HS3ST4: variants seen among roughly 807,000 people sequenced by gnomAD.
HS3ST4 encodes heparan sulfate-glucosamine 3-sulfotransferase 4.
Under a neutral mutation model 29.2 loss-of-function variants are expected in HS3ST4, and 17 were observed. The ratio of observed to expected loss-of-function variants is 0.58; its 90% CI spans 0.40 to 0.87. The LOEUF (loss-of-function observed/expected upper bound fraction) is 0.87. HS3ST4 is among the 40% of genes least tolerant of loss of function. HS3ST4 has a pLI of 0.00. For synonymous variants in HS3ST4, 314 were observed against 285.7 expected (o/e 1.10, Z -1.00); for missense variants, 627 against 634.5 (o/e 0.99, Z 0.13).
intron 1 of HS3ST4, among the ~76,000 whole-genome samples, chr16:25,857,169 A>G (rs1490321872): frequency 6.6e-6 from 1 of 152,130 alleles, no homozygotes; most frequent in Non-Finnish European, 1.5e-5. Context: ...CTTCTTTTAA[A>G]TGATAATTTG....
At chr16:25,846,110 C>T (rs1190648731) in intron 1 of HS3ST4, among the ~76,000 whole-genome samples, 2 of 152,180 alleles carry the variant, frequency 1.3e-5, no homozygotes, top group African/African-American at 2.4e-5. Context: ...GTCAGCAGTG[C>T]GGTCTCTTTC....
rs541508298 is a variant in HS3ST4, at chr16:25,867,561, TAAAC to T, written c.734+174412_734+174415del. Among the ~76,000 whole-genome samples the T allele has an allele frequency of 1.2e-4, 19 of 152,200 alleles. No individual in the cohort carries two copies. The East Asian group carries it at 3.3e-3, about 26-fold the overall frequency. On this transcript the variant is annotated intron_variant, in intron 1 of 1. Transcript: ENST00000331351. Reference sequence around the variant, plus strand: ...GTATATCCTTTATCTTAGCCTTCAATAAACAGTCACACACACGCACGCACACACA... The same window carrying T: ...GTATATCCTTTATCTTAGCCTTCAATAGTCACACACACGCACGCACACACA...
chr16:25,846,863 A>G (rs982946945), intron 1 of HS3ST4, among the ~76,000 whole-genome samples: 7 of 152,156 alleles, frequency 4.6e-5, no homozygotes, highest in Admixed American at 1.3e-4. Context: ...TGTGCACTGC[A>G]TGATCTGTTT....
At chr16:26,020,908 G>C (rs971953976) in intron 1 of HS3ST4, among the ~76,000 whole-genome samples, 2 of 152,164 alleles carry the variant, frequency 1.3e-5, no homozygotes, top group African/African-American at 2.4e-5. Context: ...GTGAATTAAT[G>C]ATCTATGCCT....
intron 1 of HS3ST4, among the ~76,000 whole-genome samples, chr16:25,762,194 C>A (rs1460298112): frequency 6.6e-6 from 1 of 152,100 alleles, no homozygotes; most frequent in African/African-American, 2.4e-5. Flanking sequence ...GCCTCCAGAC[C>A]ATGAGAAATA....
intron 1 of HS3ST4, among the ~76,000 whole-genome samples, chr16:25,751,280 TATGTGTGCTC>T (rs1245282798): frequency 2.6e-5 from 4 of 152,292 alleles, no homozygotes. Context: ...TGTGTGTATT[TATGTGTGCTC>T]ATGTGTGTGT....
At position 25,911,496 on chromosome 16, in the gene HS3ST4, G is replaced by GTTTTTT. The variant is rs542274531; in HGVS notation, c.734+218368_734+218373dup. Among the ~76,000 whole-genome samples the GTTTTTT allele has an allele frequency of 2.3e-4, 19 of 82,010 alleles. 1 individual carries two copies. The highest frequency in any genetic ancestry group is 8.6e-4 in the African/African-American group (18 of 21,046). The allele number at this position is 82,010 out of a possible 152,430, so 53.8% of individuals were successfully genotyped here. A position where few individuals can be genotyped will look rare whatever the true frequency, so the allele number is the denominator to read the frequency against. ...GAGGGAGGTGGTGTTCCGTTGTGTG[G>GTTTTTT]TTTTTTTTTTTTTTTTTTTTTTTTT... is the stretch of plus-strand genomic sequence containing the variant. On this transcript the variant is annotated intron_variant, in intron 1 of 1. Transcript: ENST00000331351.
chr16:26,025,599 G>A (rs1232074378), intron 1 of HS3ST4, among the ~76,000 whole-genome samples: 1 of 152,038 alleles, frequency 6.6e-6, no homozygotes, highest in Non-Finnish European at 1.5e-5. Flanking sequence ...TTTATTAGAG[G>A]GTACAGAGGG....
At chr16:26,119,245 C>T (rs1437474836) in intron 1 of HS3ST4, among the ~76,000 whole-genome samples, 1 of 152,134 alleles carries the variant, frequency 6.6e-6, no homozygotes, top group Non-Finnish European at 1.5e-5. Context: ...CTCACTCTTG[C>T]TCAGTGTGGG....
At chr16:25,779,737 A>C (rs147963997) in intron 1 of HS3ST4, among the ~76,000 whole-genome samples, 1 of 152,156 alleles carries the variant, frequency 6.6e-6, no homozygotes, top group Non-Finnish European at 1.5e-5. Flanking sequence ...TTTTCCACCA[A>C]GCTCACTTGT....
intron 1 of HS3ST4, among the ~76,000 whole-genome samples, chr16:26,049,497 T>A (rs1455947123): frequency 6.6e-6 from 1 of 151,776 alleles, no homozygotes; most frequent in Non-Finnish European, 1.5e-5. Flanking sequence ...TGTGTGTGTA[T>A]GTGTGTGTCC....
chr16:25,930,574 G>A (rs1033611933), intron 1 of HS3ST4, among the ~76,000 whole-genome samples: 1 of 152,200 alleles, frequency 6.6e-6, no homozygotes, highest in South Asian at 2.1e-4. Context: ...AGTTCAAGGT[G>A]TAATAATGGC....
chr16:25,874,831 T>C (rs1022793621), intron 1 of HS3ST4, among the ~76,000 whole-genome samples: 3 of 152,140 alleles, frequency 2.0e-5, no homozygotes, highest in Admixed American at 1.3e-4. Context: ...GCCATGTAGT[T>C]TTGGATTCAA....
At chr16:25,769,087 C>G (rs187497915) in intron 1 of HS3ST4, among the ~76,000 whole-genome samples, 2 of 152,136 alleles carry the variant, frequency 1.3e-5, no homozygotes, top group South Asian at 2.1e-4. Flanking sequence ...GGCACACATA[C>G]GAATCTGGAG....
chr16:25,808,214 C>T (rs1243393779), intron 1 of HS3ST4, among the ~76,000 whole-genome samples: 8 of 152,052 alleles, frequency 5.3e-5, no homozygotes, highest in Non-Finnish European at 7.4e-5. Flanking sequence ...AGCCTGGATC[C>T]CAAAGACTTT....
chr16:25,768,383 CCT>C (rs1304411650), intron 1 of HS3ST4, among the ~76,000 whole-genome samples: 2 of 152,124 alleles, frequency 1.3e-5, no homozygotes, highest in Admixed American at 1.3e-4. Context: ...GCATTAGATC[CCT>C]CTCTTCTCTA....
At chr16:26,071,862 A>C (rs1366640595) in intron 1 of HS3ST4, among the ~76,000 whole-genome samples, 2 of 152,106 alleles carry the variant, frequency 1.3e-5, no homozygotes, top group African/African-American at 4.8e-5. Flanking sequence ...CTTTTCTTCT[A>C]CCTGTCATGT....
intron 1 of HS3ST4, among the ~76,000 whole-genome samples, chr16:26,074,504 G>T (rs1013358565): frequency 6.6e-6 from 1 of 152,174 alleles, no homozygotes; most frequent in African/African-American, 2.4e-5. Flanking sequence ...GAATGTCGCT[G>T]TGATGTCTGG....
At chr16:26,078,149 A>G (rs527548561) in intron 1 of HS3ST4, among the ~76,000 whole-genome samples, 1 of 152,188 alleles carries the variant, frequency 6.6e-6, no homozygotes, top group South Asian at 2.1e-4. Flanking sequence ...TTATTTATTT[A>G]TTTATTTTTG....
Sources: gnomAD v4.1 joint callset for allele counts (sites outside exome capture counted in the v4.1 genomes callset) on GRCh38, gnomAD v4.1.1 for gene constraint, MANE v1.5 for transcripts, NCBI Gene and HGNC (gene_info 2026-07-23, HGNC 2026-07-21) for gene names.